Variants in DISC1 observed in about 807,000 individuals in gnomAD.
DISC1 encodes the protein disrupted in schizophrenia 1 protein.
In DISC1, 57 loss-of-function variants were observed where a neutral mutation model predicts 84.5. The observed-to-expected ratio is 0.67, with a 90% CI of 0.55 to 0.84. The LOEUF is 0.84. Among genes scored for constraint, DISC1 ranks in the 40% least tolerant of loss-of-function variants. The pLI is 0.00. For synonymous variants in DISC1, 411 were observed against 415.2 expected (o/e 0.99, Z 0.12); for missense variants, 1,000 against 1,057.8 (o/e 0.95, Z 0.76).
chr1:231,641,302 T>G (rs2059640977), intron 1 of DISC1, among the ~76,000 whole-genome samples: 1 of 152,016 alleles, frequency 6.6e-6, no homozygotes, highest in South Asian at 2.1e-4. Context: ...TTCGGATGTG[T>G]TCGGAGTTTC....
chr1:231,757,964 T>C (rs980392871), intron 4 of DISC1, among the ~76,000 whole-genome samples: 4 of 150,928 alleles, frequency 2.7e-5, no homozygotes, highest in Non-Finnish European at 5.9e-5. Flanking sequence ...TTATCAGGCC[T>C]GTCTGCACAG....
At chr1:231,680,276 C>T (rs1223495166) in intron 1 of DISC1, among the ~76,000 whole-genome samples, 1 of 152,116 alleles carries the variant, frequency 6.6e-6, no homozygotes, top group Non-Finnish European at 1.5e-5. Flanking sequence ...TATATAGTGT[C>T]TCTATATGAA....
At chr1:231,736,765 A>C (rs1403049415) in intron 3 of DISC1, among the ~76,000 whole-genome samples, 1 of 152,236 alleles carries the variant, frequency 6.6e-6, no homozygotes, top group South Asian at 2.1e-4. Context: ...GTAAAAACCA[A>C]AGAAAAATGA....
chr1:231,910,901 G>A (rs1016462375), intron 9 of DISC1, among the ~76,000 whole-genome samples: 3 of 152,196 alleles, frequency 2.0e-5, no homozygotes, highest in Non-Finnish European at 4.4e-5. Context: ...AGCTCTTCTT[G>A]TTGAATTGAT....
rs548118233 is a variant in DISC1 at position 231,723,629 on chromosome 1, C to G, written c.1117+21605C>G. 6.2e-5 allele frequency: 61 copies of G among 985,448 alleles called. No individual in the cohort carries two copies. The African/African-American group carries it at 9.4e-4, about 15-fold the overall frequency. 61.0% of individuals were successfully genotyped at this position (985,448 alleles called of 1,614,324 possible). A position where few individuals can be genotyped will look rare whatever the true frequency, so the allele number is the denominator to read the frequency against. On this transcript the variant is annotated intron_variant, in intron 3 of 12. Coordinates refer to ENST00000439617, the MANE Select transcript of DISC1 (RefSeq NM_018662.3). ...CTATTCTGTCTTATAACAGTCTGCT[C>G]TGGTGATTTTTGTCTCATCAATTGG...
At chr1:231,773,586 A>G (rs2487454) in intron 6 of DISC1, among the ~76,000 whole-genome samples, 20,837 of 152,070 alleles carry the variant, frequency 0.14, 1,756 homozygotes, top group East Asian at 0.39. Context: ...GGGTTTCACC[A>G]TGTTAGCCAG....
At chr1:231,755,376 G>T (rs921841686) in intron 4 of DISC1, among the ~76,000 whole-genome samples, 4 of 151,450 alleles carry the variant, frequency 2.6e-5, no homozygotes, top group African/African-American at 9.7e-5. Context: ...TCTGTCTTCT[G>T]TTCTAGCTTT....
chr1:231,663,811 T>G (rs1277352313), intron 1 of DISC1, among the ~76,000 whole-genome samples: 1 of 152,202 alleles, frequency 6.6e-6, no homozygotes, highest in Admixed American at 6.5e-5. Flanking sequence ...GGGCTAATGC[T>G]CCTTTAAGTT....
chr1:231,672,465 C>T lies in DISC1; in HGVS notation c.68-21361C>T, dbSNP rs981909082. 3.9e-5 allele frequency among the ~76,000 whole-genome samples: 6 copies of T among 152,334 alleles called. No homozygotes were observed. In the South Asian group the frequency reaches 1.2e-3, roughly 32 times the overall value. ...GCTATGTCATTCTGCCCTGTCTTCT[C>T]TCTTATCTATTATCACTGTGCCCTA... On this transcript the variant is annotated intron_variant, in intron 1 of 12. Transcript: ENST00000439617.
intron 8 of DISC1, among the ~76,000 whole-genome samples, chr1:231,802,640 C>G (rs1398269018): frequency 6.6e-6 from 1 of 152,140 alleles, no homozygotes; most frequent in African/African-American, 2.4e-5. Context: ...CTGGCCAGAT[C>G]TAGCTCCTTT....
chr1:231,671,885 G>C (rs1328901913), intron 1 of DISC1, among the ~76,000 whole-genome samples: 1 of 152,222 alleles, frequency 6.6e-6, no homozygotes, highest in Non-Finnish European at 1.5e-5. Context: ...TTTGTAAAAT[G>C]CTTATAACCC....
At chr1:231,761,409 A>T (rs2125395631) in intron 4 of DISC1, among the ~76,000 whole-genome samples, 1 of 152,298 alleles carries the variant, frequency 6.6e-6, no homozygotes, top group African/African-American at 2.4e-5. Context: ...GATTTGAAAG[A>T]CGGAAGCCTG....
intron 3 of DISC1, among the ~76,000 whole-genome samples, chr1:231,710,937 A>G (rs977255937): frequency 6.6e-6 from 1 of 152,172 alleles, no homozygotes; most frequent in Non-Finnish European, 1.5e-5. Flanking sequence ...TAAATACTAA[A>G]CACATTCAGG....
At chr1:231,937,375 A>G (rs1288541648) in intron 9 of DISC1, among the ~76,000 whole-genome samples, 1 of 152,152 alleles carries the variant, frequency 6.6e-6, no homozygotes, top group Non-Finnish European at 1.5e-5. Context: ...TGGAGAATAG[A>G]TTTTCCATAG....
chr1:232,032,741 T>C (rs1316841436), intron 12 of DISC1, among the ~76,000 whole-genome samples: 1 of 152,226 alleles, frequency 6.6e-6, no homozygotes, highest in Admixed American at 6.5e-5. Flanking sequence ...TTAGCACCTC[T>C]ATTCTAGTTT....
chr1:231,720,604 T>A (rs1276696250), intron 3 of DISC1, among the ~76,000 whole-genome samples: 1 of 152,214 alleles, frequency 6.6e-6, no homozygotes, highest in Non-Finnish European at 1.5e-5. Flanking sequence ...CCTCTCAAAG[T>A]GCTGGGATTA....
In DISC1 at chr1:231,908,197, A is replaced by G. The variant is rs185997955; in HGVS notation, c.1982-50631A>G. 5.9e-3 allele frequency among the ~76,000 whole-genome samples: 898 copies of G among 152,212 alleles called. 11 individuals carry two copies. Among genetic ancestry groups the G allele is most frequent in the African/African-American group, 0.02 (850 of 41,540 alleles). On this transcript the variant is annotated intron_variant, in intron 9 of 12. Coordinates refer to ENST00000439617, the MANE Select transcript of DISC1 (RefSeq NM_018662.3). ...TAGTTTAATTAGATCCCATTTGTCAACTTTGGCTTTTGTTGCCGTTGCTTT... is the reference window on the plus strand; with the variant it reads ...TAGTTTAATTAGATCCCATTTGTCAGCTTTGGCTTTTGTTGCCGTTGCTTT...
intron 1 of DISC1, among the ~76,000 whole-genome samples, chr1:231,656,724 A>G (rs953070996): frequency 6.6e-6 from 1 of 152,202 alleles, no homozygotes; most frequent in East Asian, 1.9e-4. Flanking sequence ...AGATCATCCT[A>G]TCAACTAGGT....
chr1:231,926,813 A>G (rs1329617417), intron 9 of DISC1, among the ~76,000 whole-genome samples: 1 of 152,206 alleles, frequency 6.6e-6, no homozygotes, highest in Non-Finnish European at 1.5e-5. Context: ...TTAGGTGGAG[A>G]GAGGGCTCAA....
Sources: gnomAD v4.1 joint callset for allele counts (sites outside exome capture counted in the v4.1 genomes callset) on GRCh38, gnomAD v4.1.1 for gene constraint, MANE v1.5 for transcripts, NCBI Gene and HGNC (gene_info 2026-07-23, HGNC 2026-07-21) for gene names.